ADAMTSL1: variants seen among roughly 807,000 people sequenced by gnomAD.
The protein encoded by ADAMTSL1 is ADAMTS like 1, also known as ADAMTS-like protein 1.
In ADAMTSL1, 126 loss-of-function variants were observed where a neutral mutation model predicts 201.8. The observed-to-expected ratio is 0.62, with a 90% CI of 0.54 to 0.72. ADAMTSL1 has a LOEUF of 0.72. ADAMTSL1 is among the 30% of genes least tolerant of loss of function. ADAMTSL1 has a pLI of 0.00. For missense variants in ADAMTSL1, 2,679 were observed against 2,277.8 expected, an observed-to-expected ratio of 1.18 and a Z score of -3.59; for synonymous variants, 1,121 against 903.4, an observed-to-expected ratio of 1.24 and a Z score of -4.32.
At chr9:18,465,900 C>T (rs1415297206) in intron 2 of ADAMTSL1, among the ~76,000 whole-genome samples, 1 of 151,608 alleles carries the variant, frequency 6.6e-6, no homozygotes, top group Non-Finnish European at 1.5e-5. Context: ...AGGCGTGTGC[C>T]ACCATGCCCA....
At chr9:18,036,226 A>G (rs2131620807) in intron 1 of ADAMTSL1, among the ~76,000 whole-genome samples, 1 of 152,358 alleles carries the variant, frequency 6.6e-6, no homozygotes, top group East Asian at 1.9e-4. Flanking sequence ...GCTGGACTAT[A>G]GAAAGAGGAA....
At chr9:18,445,523 A>G (rs1031946354) in intron 2 of ADAMTSL1, among the ~76,000 whole-genome samples, 1 of 152,122 alleles carries the variant, frequency 6.6e-6, no homozygotes, top group African/African-American at 2.4e-5. Context: ...TGGTATCTAT[A>G]TTATTCTGTG....
intron 20 of ADAMTSL1, among the ~76,000 whole-genome samples, chr9:18,816,480 A>G (rs1181923847): frequency 2.0e-5 from 3 of 152,006 alleles, no homozygotes; most frequent in Non-Finnish European, 4.4e-5. Context: ...CAAGTGATCG[A>G]CCCACCTCAG....
intron 23 of ADAMTSL1, among the ~76,000 whole-genome samples, chr9:18,859,113 C>A (rs1190910118): frequency 6.6e-6 from 1 of 152,148 alleles, no homozygotes; most frequent in Non-Finnish European, 1.5e-5. Flanking sequence ...AACAAATTAC[C>A]ATAGATTTAG....
chr9:18,083,481 A>T (rs2131782161), intron 1 of ADAMTSL1, among the ~76,000 whole-genome samples: 1 of 152,340 alleles, frequency 6.6e-6, no homozygotes, highest in Non-Finnish European at 1.5e-5. Flanking sequence ...CCCAAGAAAA[A>T]TGTATGTCTG....
chr9:18,504,257 A>G (rs745327389), intron 1 of ADAMTSL1, among the ~76,000 whole-genome samples: 16 of 152,214 alleles, frequency 1.1e-4, no homozygotes, highest in Non-Finnish European at 1.9e-4. Context: ...TTTCCTAGAA[A>G]GCCTGTAAAT....
At chr9:18,141,107 G>T (rs1047571282) in intron 1 of ADAMTSL1, among the ~76,000 whole-genome samples, 1 of 152,184 alleles carries the variant, frequency 6.6e-6, no homozygotes, top group African/African-American at 2.4e-5. Flanking sequence ...CTGATGCCAA[G>T]CCCTGGGCTC....
chr9:17,955,718 T>C (rs1002244429), intron 1 of ADAMTSL1, among the ~76,000 whole-genome samples: 1 of 152,206 alleles, frequency 6.6e-6, no homozygotes, highest in Non-Finnish European at 1.5e-5. Flanking sequence ...TTAGATTAAC[T>C]GTTGTGGTAT....
chr9:18,015,181 A>T (rs1345945744), intron 1 of ADAMTSL1, among the ~76,000 whole-genome samples: 4 of 152,058 alleles, frequency 2.6e-5, no homozygotes, highest in African/African-American at 9.7e-5. Flanking sequence ...GCTCTGGTAC[A>T]CATGGGAATG....
chr9:18,685,908 AAC>A (rs1830801937), intron 13 of ADAMTSL1, among the ~76,000 whole-genome samples: 1 of 151,646 alleles, frequency 6.6e-6, no homozygotes, highest in Non-Finnish European at 1.5e-5. Context: ...CACATTAGAA[AAC>A]ACTTTTTTTC....
At chr9:18,440,057 G>T (rs567372251) in intron 2 of ADAMTSL1, among the ~76,000 whole-genome samples, 29 of 152,266 alleles carry the variant, frequency 1.9e-4, no homozygotes, top group Non-Finnish European at 4.0e-4. Context: ...GTGCTAGCTA[G>T]CTAACCACTG....
intron 15 of ADAMTSL1, among the ~76,000 whole-genome samples, chr9:18,726,054 C>G (rs1485884776): frequency 6.6e-6 from 1 of 152,182 alleles, no homozygotes; most frequent in African/African-American, 2.4e-5. Flanking sequence ...TTTCTCATCT[C>G]TGAAATAGGA....
At chr9:18,062,241 G>T (rs1033906943) in intron 1 of ADAMTSL1, among the ~76,000 whole-genome samples, 4 of 152,116 alleles carry the variant, frequency 2.6e-5, no homozygotes, top group Non-Finnish European at 4.4e-5. Flanking sequence ...TGTCATGATT[G>T]ACTTGTATAG....
At chr9:18,827,331 A>T (rs906190533) in intron 22 of ADAMTSL1, among the ~76,000 whole-genome samples, 1 of 152,118 alleles carries the variant, frequency 6.6e-6, no homozygotes, top group African/African-American at 2.4e-5. Flanking sequence ...ATAAACATAC[A>T]TTACAGACTT....
At chr9:18,188,909 G>C (rs560305825) in intron 2 of ADAMTSL1, among the ~76,000 whole-genome samples, 1 of 152,152 alleles carries the variant, frequency 6.6e-6, no homozygotes, top group Non-Finnish European at 1.5e-5. Flanking sequence ...AAGCAGAAAG[G>C]ATCTCCATTC....
intron 9 of ADAMTSL1, among the ~76,000 whole-genome samples, chr9:18,665,741 T>C (rs1829391042): frequency 1.3e-5 from 2 of 152,114 alleles, no homozygotes; most frequent in Non-Finnish European, 2.9e-5. Context: ...CTGGATTCCA[T>C]GGTGGTGGAT....
chr9:18,139,183 T>A (rs1826289300), intron 1 of ADAMTSL1, among the ~76,000 whole-genome samples: 1 of 152,194 alleles, frequency 6.6e-6, no homozygotes, highest in Non-Finnish European at 1.5e-5. Context: ...AAATGCAGTG[T>A]TGAAATGGCA....
Position 18,175,629 on chromosome 9 carries a change from C to G in ADAMTSL1, c.207+11648C>G, listed in dbSNP as rs1433446078. 2.0e-5 allele frequency among the ~76,000 whole-genome samples: 3 copies of G among 152,124 alleles called. No homozygotes were observed. The South Asian group carries it at 6.2e-4, about 31-fold the overall frequency. On this transcript the variant is annotated intron_variant, in intron 2 of 29. Coordinates refer to the ADAMTSL1 transcript ENST00000680146. ...TATTATCAGTTCAGTGCCTTGCTCA[C>G]AGGACTTCTTCTGCCTGGAATGTCT...
chr9:18,051,023 C>T (rs1017968523), intron 1 of ADAMTSL1, among the ~76,000 whole-genome samples: 5 of 152,282 alleles, frequency 3.3e-5, no homozygotes, highest in East Asian at 1.9e-4. Flanking sequence ...ACTATATGGC[C>T]GGGTGCAGTG....
Sources: allele counts gnomAD v4.1 joint callset (sites outside exome capture counted in the v4.1 genomes callset), GRCh38; gene constraint gnomAD v4.1.1; transcripts MANE v1.5; gene names NCBI Gene and HGNC (gene_info 2026-07-23, HGNC 2026-07-21).